TMEM38B: variants seen among roughly 807,000 people sequenced by gnomAD.
TMEM38B encodes transmembrane protein 38B.
Under a neutral mutation model 28.7 loss-of-function variants are expected in TMEM38B, and 24 were observed. The ratio of observed to expected loss-of-function variants is 0.84; its 90% CI spans 0.61 to 1.18. TMEM38B has a LOEUF of 1.18. Among genes scored for constraint, TMEM38B ranks in the 50% most tolerant of loss-of-function variants. The probability of loss-of-function intolerance (pLI) is 0.00; values close to 1 mark genes in which losing one functional copy is unlikely to be tolerated. For synonymous variants in TMEM38B, 131 were observed against 127.7 expected (o/e 1.03, Z -0.17); for missense variants, 380 against 350.9 (o/e 1.08, Z -0.66).
chr9:105,710,399 C>T, intron 2 of TMEM38B: 1 of 929,424 alleles, frequency 1.1e-6, no homozygotes, highest in South Asian at 1.5e-5. Flanking sequence ...TCATGATCTC[C>T]TTCTTTCATA....
chr9:105,741,975 G>A (rs1289895646), intron 4 of TMEM38B, among the ~76,000 whole-genome samples: 1 of 152,182 alleles, frequency 6.6e-6, no homozygotes, highest in East Asian at 1.9e-4. Context: ...TAGAGAGGAG[G>A]TTATACAAGA....
At chr9:105,752,716 A>G (rs1474074194) in intron 5 of TMEM38B, among the ~76,000 whole-genome samples, 2 of 152,248 alleles carry the variant, frequency 1.3e-5, no homozygotes, top group South Asian at 2.1e-4. Context: ...AAGATGAGAA[A>G]GAATGCAAAA....
At chr9:105,756,919 T>C (rs975642386) in intron 5 of TMEM38B, among the ~76,000 whole-genome samples, 2 of 152,196 alleles carry the variant, frequency 1.3e-5, no homozygotes, top group African/African-American at 4.8e-5. Context: ...TTTTAAATTT[T>C]ATTTCAATAG....
At chr9:105,733,353 A>G (rs1163437129) in intron 4 of TMEM38B, among the ~76,000 whole-genome samples, 1 of 151,156 alleles carries the variant, frequency 6.6e-6, no homozygotes, top group Non-Finnish European at 1.5e-5. Flanking sequence ...AATTTGGTTT[A>G]CTGATATGGT....
chr9:105,712,022 G>C (rs1835924086), intron 2 of TMEM38B, among the ~76,000 whole-genome samples: 1 of 152,034 alleles, frequency 6.6e-6, no homozygotes. Context: ...GGTTCAAGCA[G>C]TTCTTCTGCC....
intron 4 of TMEM38B, among the ~76,000 whole-genome samples, chr9:105,745,982 A>G (rs1837376780): frequency 6.6e-6 from 1 of 152,154 alleles, no homozygotes; most frequent in Non-Finnish European, 1.5e-5. Flanking sequence ...TGGTTACTGT[A>G]GCCTTGTAGT....
chr9:105,742,782 GAA>G (rs1300955077), intron 4 of TMEM38B, among the ~76,000 whole-genome samples: 1 of 152,206 alleles, frequency 6.6e-6, no homozygotes, highest in Non-Finnish European at 1.5e-5. Flanking sequence ...CAGTGAGAAA[GAA>G]AGAGTAGCAG....
chr9:105,717,698 A>G (rs760473214), intron 2 of TMEM38B, among the ~76,000 whole-genome samples: 22 of 152,300 alleles, frequency 1.4e-4, no homozygotes, highest in Non-Finnish European at 2.2e-4. Context: ...TTATGTTACT[A>G]AGATTCATCT....
At chr9:105,764,853 A>G (rs1292214422) in intron 5 of TMEM38B, among the ~76,000 whole-genome samples, 4 of 151,938 alleles carry the variant, frequency 2.6e-5, no homozygotes, top group Non-Finnish European at 2.9e-5. Context: ...TACAGTAACC[A>G]AAACAGCATG....
chr9:105,767,127 A>G (rs1826400641), intron 5 of TMEM38B, among the ~76,000 whole-genome samples: 1 of 151,040 alleles, frequency 6.6e-6, no homozygotes, highest in South Asian at 2.1e-4. Flanking sequence ...TATGAGTCCT[A>G]CAAGGTAAGG....
intron 2 of TMEM38B, among the ~76,000 whole-genome samples, chr9:105,709,394 T>G (rs1835810634): frequency 1.3e-5 from 2 of 152,196 alleles, no homozygotes; most frequent in African/African-American, 4.8e-5. Flanking sequence ...AACCACACAA[T>G]TACTTATCTT....
chr9:105,723,288 C>T (rs916188710), intron 4 of TMEM38B, among the ~76,000 whole-genome samples: 3 of 152,130 alleles, frequency 2.0e-5, no homozygotes, highest in Admixed American at 6.5e-5. Flanking sequence ...ATGGTGTAGT[C>T]ATAGCTCACT....
chr9:105,759,779 CT>C, intron 5 of TMEM38B: 2 of 1,609,152 alleles, frequency 1.2e-6, no homozygotes, highest in Non-Finnish European at 1.7e-6. Context: ...AGAACCACTA[CT>C]TTGACTGCTC....
chr9:105,763,315 A>G (rs922536560), intron 5 of TMEM38B, among the ~76,000 whole-genome samples: 15 of 152,238 alleles, frequency 9.9e-5, no homozygotes, highest in South Asian at 8.3e-4. Flanking sequence ...TTGGTGTTTT[A>G]GACATGAAGT....
chr9:105,755,412 A>G (rs1837800642), intron 5 of TMEM38B, among the ~76,000 whole-genome samples: 1 of 152,184 alleles, frequency 6.6e-6, no homozygotes, highest in South Asian at 2.1e-4. Flanking sequence ...TACCTGTGTA[A>G]CAAACCTGCA....
intron 1 of TMEM38B, among the ~76,000 whole-genome samples, chr9:105,701,844 T>C (rs936362661): frequency 6.6e-6 from 1 of 152,208 alleles, no homozygotes; most frequent in Admixed American, 6.5e-5. Context: ...CAAGTATGTC[T>C]GTTCTAATTA....
chr9:105,732,329 A>G (rs932371627), intron 4 of TMEM38B, among the ~76,000 whole-genome samples: 4 of 152,072 alleles, frequency 2.6e-5, no homozygotes, highest in African/African-American at 9.7e-5. Flanking sequence ...CCCATTTGTC[A>G]ATTTTGGCTT....
At position 105,775,078 on chromosome 9, in the gene TMEM38B, T is replaced by C. The variant is rs559603672; in HGVS notation, c.*998T>C. On this transcript the variant is annotated 3_prime_UTR_variant, in exon 6 of 6. Transcript: ENST00000374692. Reference sequence around the variant, plus strand: ...TGTTTTAGTTTTCTAGTTGAATATCTCTGACAAGCTTTCGTATGGTTTTGT... The same window carrying C: ...TGTTTTAGTTTTCTAGTTGAATATCCCTGACAAGCTTTCGTATGGTTTTGT... The C allele has an allele frequency of 2.6e-5, 4 of 152,246 alleles. No individual in the cohort carries two copies. Among genetic ancestry groups the C allele is most frequent in the African/African-American group, 9.6e-5 (4 of 41,568 alleles). The allele number at this position is 152,246 out of a possible 1,614,324, so 9.4% of individuals were successfully genotyped here. A position where few individuals can be genotyped will look rare whatever the true frequency, so the allele number is the denominator to read the frequency against.
chr9:105,715,426 T>C (rs977106933), intron 2 of TMEM38B, among the ~76,000 whole-genome samples: 1 of 152,194 alleles, frequency 6.6e-6, no homozygotes, highest in Non-Finnish European at 1.5e-5. Flanking sequence ...CTCTTCTACA[T>C]GGTGTGTTCT....
Sources: allele counts gnomAD v4.1 joint callset (sites outside exome capture counted in the v4.1 genomes callset), GRCh38; gene constraint gnomAD v4.1.1; transcripts MANE v1.5; gene names NCBI Gene and HGNC (gene_info 2026-07-23, HGNC 2026-07-21).